Variants in QSER1 observed in about 807,000 individuals in gnomAD.
QSER1 encodes glutamine and serine rich 1.
A neutral mutation model predicts 158.5 loss-of-function variants in QSER1; 49 were observed. The observed-to-expected ratio is 0.31, with a 90% CI of 0.25 to 0.39. The LOEUF is 0.39. QSER1 is among the 10% of genes least tolerant of loss of function. QSER1 has a pLI of 1.00. For missense variants in QSER1, 1,754 were observed against 2,010.3 expected (o/e 0.87, Z 2.44); for synonymous variants, 650 against 715.5 (o/e 0.91, Z 1.46).
At chr11:32,954,985 A>G (rs1303015590) in intron 5 of QSER1, among the ~76,000 whole-genome samples, 1 of 152,236 alleles carries the variant, frequency 6.6e-6, no homozygotes, top group Non-Finnish European at 1.5e-5. Flanking sequence ...AGATATGTAT[A>G]TATACATAGT....
At chr11:32,910,236 G>A (rs1851749487) in intron 1 of QSER1, among the ~76,000 whole-genome samples, 1 of 152,054 alleles carries the variant, frequency 6.6e-6, no homozygotes, top group Admixed American at 6.5e-5. Context: ...TGATTACTGT[G>A]TCCTCTTTCT....
chr11:32,955,187 T>A (rs1381452651), intron 5 of QSER1, 109 bp from the exon 6 acceptor site: 2 of 625,088 alleles, frequency 3.2e-6, no homozygotes, highest in Non-Finnish European at 5.6e-6. Context: ...AGAGGTGAGA[T>A]AAAAGGTTGA....
Position 32,892,880 on chromosome 11 carries a change from C to T in QSER1, c.-246C>T, listed in dbSNP as rs1309707556. ...CGCCGCCGTCGCCGCGAGTCCCGGC[C>T]GCGGGTGCCTCCGCTTCCCTGACGC... is the stretch of plus-strand genomic sequence containing the variant. On this transcript the variant is annotated 5_prime_UTR_variant, in exon 1 of 13. Coordinates refer to ENST00000650167, the MANE Select transcript of QSER1 (RefSeq NM_001076786.3). 7.1e-6 allele frequency among the ~76,000 whole-genome samples: 1 copy of T among 140,282 alleles called. No individual in the cohort carries two copies. The highest frequency in any genetic ancestry group is 7.0e-5 in the Admixed American group (1 of 14,364). 92.0% of individuals were successfully genotyped at this position (140,282 alleles called of 152,430 possible). A position where few individuals can be genotyped will look rare whatever the true frequency, so the allele number is the denominator to read the frequency against.
chr11:32,935,586 A>T lies in QSER1; in HGVS notation c.4177+151A>T, dbSNP rs973060965. Reference sequence around the variant, plus strand: ...TAGGTATCTTAAGGACTTATTTTTTAAATTTTTCTTGCCTATAGGAAAGGT... The same window carrying T: ...TAGGTATCTTAAGGACTTATTTTTTTAATTTTTCTTGCCTATAGGAAAGGT... On this transcript the variant is annotated intron_variant, in intron 4 of 12. Transcript: ENST00000650167. 36 of 589,550 alleles carry T rather than the reference A, an allele frequency of 6.1e-5. No homozygotes were observed. In the Admixed American group the frequency reaches 9.4e-4, roughly 15 times the overall value. The allele number at this position is 589,550 out of a possible 1,614,324, so 36.5% of individuals were successfully genotyped here.
intron 1 of QSER1, among the ~76,000 whole-genome samples, chr11:32,915,443 G>T (rs1851819298): frequency 6.6e-6 from 1 of 152,086 alleles, no homozygotes; most frequent in South Asian, 2.1e-4. Context: ...AGTTTGTAAG[G>T]TGATGGTAAA....
intron 1 of QSER1, among the ~76,000 whole-genome samples, chr11:32,912,688 C>A (rs775696105): frequency 3.6e-4 from 55 of 152,124 alleles, no homozygotes; most frequent in Non-Finnish European, 7.4e-4. Context: ...GTGGAAGAAT[C>A]GCTTGAGTCC....
intron 8 of QSER1, 143 bp downstream of exon 8, chr11:32,958,229 G>C: frequency 1.4e-6 from 1 of 728,392 alleles, no homozygotes; most frequent in South Asian, 1.9e-5. Flanking sequence ...TTTTATGAAA[G>C]TAAGTTCACA....
chr11:32,929,383 G>A (rs1411442398), intron 3 of QSER1, among the ~76,000 whole-genome samples: 2 of 152,102 alleles, frequency 1.3e-5, no homozygotes, highest in African/African-American at 4.8e-5. Context: ...AAAGCGACCG[G>A]CCTAGGATTC....
At chr11:32,944,994 CCTT>C (rs1852305098) in intron 4 of QSER1, among the ~76,000 whole-genome samples, 1 of 140,370 alleles carries the variant, frequency 7.1e-6, no homozygotes, top group Non-Finnish European at 1.5e-5. Flanking sequence ...TACGTAATGG[CCTT>C]CTTTGTCTCT....
chr11:32,922,469 A>C (rs930174745), intron 1 of QSER1, among the ~76,000 whole-genome samples: 1 of 146,038 alleles, frequency 6.8e-6, no homozygotes, highest in Non-Finnish European at 1.5e-5. Context: ...TACATCAATT[A>C]GAATGGCTAA....
At chr11:32,940,669 A>C (rs1034868589) in intron 4 of QSER1, among the ~76,000 whole-genome samples, 1 of 152,224 alleles carries the variant, frequency 6.6e-6, no homozygotes, top group Non-Finnish European at 1.5e-5. Context: ...CAATTTAAGA[A>C]AGTTACATTT....
At chr11:32,968,989 T>C in intron 9 of QSER1, 57 bp from the exon 10 acceptor site, 1 of 1,004,000 alleles carries the variant, frequency 1.0e-6, no homozygotes, top group Non-Finnish European at 1.5e-6. Flanking sequence ...AAAAGTTGGA[T>C]TTTTTTCAAA....
chr11:32,959,333 C>T (rs1852580500), intron 8 of QSER1, among the ~76,000 whole-genome samples: 1 of 152,058 alleles, frequency 6.6e-6, no homozygotes, highest in African/African-American at 2.4e-5. Context: ...CCCTATTTTT[C>T]TAGAACATAA....
Position 32,935,245 on chromosome 11 carries a change from C to G in QSER1, c.3987C>G (p.Pro1329=). Residue 1329 remains proline, a synonymous_variant, in exon 4 of 13, where the codon CCC becomes CCG. Transcript: ENST00000650167. ...TTCCCAAGCCTTCATCTACAACACC[C>G]ACACCTTTAGTGTCTGAAACTGGCG... ...PPLPKPSSTT[P]TPLVSETGGN... The G allele has an allele frequency of 6.2e-7, 1 of 1,613,940 alleles. No individual in the cohort carries two copies. The highest frequency in any genetic ancestry group is 1.7e-4 in the Middle Eastern group (1 of 6,060).
At chr11:32,939,229 C>G (rs1021334868) in intron 4 of QSER1, among the ~76,000 whole-genome samples, 2 of 151,972 alleles carry the variant, frequency 1.3e-5, no homozygotes, top group African/African-American at 4.8e-5. Flanking sequence ...AGCACTCAGC[C>G]CCTACTTCAC....
At chr11:32,972,325 G>A (rs1852878112) in intron 10 of QSER1, among the ~76,000 whole-genome samples, 1 of 151,992 alleles carries the variant, frequency 6.6e-6, no homozygotes, top group African/African-American at 2.4e-5. Context: ...GTTGCCACAA[G>A]TATCATTCAG....
At position 32,932,491 on chromosome 11, in the gene QSER1, C is replaced by G. The variant is rs746053779; in HGVS notation, c.1233C>G (p.Ser411Arg). ...CTCCTTCTACTACAAAAATAAAAAGCTGTTCTACAGAACAACCACTGACAT... is the reference window on the plus strand; with the variant it reads ...CTCCTTCTACTACAAAAATAAAAAGGTGTTCTACAGAACAACCACTGACAT... ...GYPPSTTKIK[S>R]CSTEQPLTST... Residue 411 changes from serine (S) to arginine (R), a missense_variant, in exon 4 of 13, where the codon AGC (serine) becomes AGG (arginine). Transcript: ENST00000650167. 6.2e-7 allele frequency: 1 copy of G among 1,613,940 alleles called. No individual in the cohort carries two copies. The highest frequency in any genetic ancestry group is 8.5e-7 in the Non-Finnish European group (1 of 1,179,964).
At position 32,976,579 on chromosome 11, in the gene QSER1, C is replaced by T; in HGVS notation, c.*105C>T. ...GTAGTGGCCTTCTGCAGGCCGGCCG[C>T]TTCCATCATGGAACTGTCATTACCA... On this transcript the variant is annotated 3_prime_UTR_variant, in exon 13 of 13. Coordinates refer to ENST00000650167, the MANE Select transcript of QSER1 (RefSeq NM_001076786.3). The T allele has an allele frequency of 1.6e-6, 2 of 1,258,236 alleles. No homozygotes were observed. Among genetic ancestry groups the T allele is most frequent in the Non-Finnish European group, 2.3e-6 (2 of 883,560 alleles). 77.9% of individuals were successfully genotyped at this position (1,258,236 alleles called of 1,614,324 possible).
intron 9 of QSER1, among the ~76,000 whole-genome samples, chr11:32,968,436 C>A (rs1852788992): frequency 6.6e-6 from 1 of 152,126 alleles, no homozygotes; most frequent in Admixed American, 6.6e-5. Flanking sequence ...GCTTAAAGTT[C>A]AGAGTGGTGA....
Sources: allele counts gnomAD v4.1 joint callset (sites outside exome capture counted in the v4.1 genomes callset), GRCh38; gene constraint gnomAD v4.1.1; transcripts MANE v1.5; gene names NCBI Gene and HGNC (gene_info 2026-07-23, HGNC 2026-07-21).